The following PIK3CB variants were observed in gnomAD, a reference collection of about 807,000 sequenced individuals.
PIK3CB encodes the protein phosphatidylinositol-4,5-bisphosphate 3-kinase catalytic subunit beta, also known as phosphatidylinositol 4,5-bisphosphate 3-kinase catalytic subunit beta isoform.
In PIK3CB, 39 loss-of-function variants were observed where a neutral mutation model predicts 136.8. That is an observed-to-expected ratio of 0.29 (90% CI 0.22 to 0.37). The LOEUF (loss-of-function observed/expected upper bound fraction) is 0.37. Ranked by LOEUF, PIK3CB falls within the 10% of genes least tolerant of loss-of-function variation. The pLI is 1.00. For synonymous variants in PIK3CB, 428 were observed against 436.6 expected, an observed-to-expected ratio of 0.98 and a Z score of 0.25; for missense variants, 868 against 1,275.4, an observed-to-expected ratio of 0.68 and a Z score of 4.87.
intron 8 of PIK3CB, among the ~76,000 whole-genome samples, chr3:138,731,715 T>G (rs1330324831): frequency 1.3e-5 from 2 of 151,936 alleles, no homozygotes; most frequent in African/African-American, 4.8e-5. Context: ...CTGGGCGCAG[T>G]GGCTCACACT....
rs1159709362 is a variant in PIK3CB at position 138,704,448 on chromosome 3, C to A, written c.1576G>T (p.Val526Leu). The change falls in exon 12 of 24, where the codon GTG becomes TTG. Residue 526 changes from valine to leucine, a missense_variant. This residue lies in a region of PIK3CB where 612 missense variants were observed against 801.1 expected (regional missense o/e 0.76). Coordinates refer to ENST00000674063, the MANE Select transcript of PIK3CB (RefSeq NM_006219.3). ...AEIASSDSAN[V>L]SSRGGKKFLP... The stretch of plus-strand genomic sequence containing the variant: ...TTAAAACTCTTGATACTTACTGACA[C>A]ATTAGCACTATCACTGCTTGCAATC... The A allele has an allele frequency of 1.3e-6, 2 of 1,599,324 alleles. No individual in the cohort carries two copies. Among genetic ancestry groups the A allele is most frequent in the Non-Finnish European group, 1.7e-6 (2 of 1,166,652 alleles).
chr3:138,737,418 A>AC (rs1357556210), intron 6 of PIK3CB, among the ~76,000 whole-genome samples: 11 of 149,252 alleles, frequency 7.4e-5, no homozygotes, highest in African/African-American at 2.7e-4. Flanking sequence ...AAAAAAAAAA[A>AC]AAAAGCAAAG....
chr3:138,767,982 C>T (rs769709291), intron 2 of PIK3CB, among the ~76,000 whole-genome samples: 2 of 152,238 alleles, frequency 1.3e-5, no homozygotes, highest in Non-Finnish European at 2.9e-5. Context: ...TTCTTTTAGC[C>T]TCAATTGGCA....
intron 2 of PIK3CB, among the ~76,000 whole-genome samples, chr3:138,783,445 T>C (rs2045942553): frequency 6.6e-6 from 1 of 152,090 alleles, no homozygotes; most frequent in South Asian, 2.1e-4. Context: ...CCCAGCTAAT[T>C]TTTTCATTTT....
chr3:138,754,567 T>A (rs1265500917), intron 4 of PIK3CB, among the ~76,000 whole-genome samples: 1 of 152,084 alleles, frequency 6.6e-6, no homozygotes, highest in African/African-American at 2.4e-5. Flanking sequence ...TAAGAAAAAA[T>A]TTTGTATGAT....
chr3:138,816,465 G>A (rs915149372), intron 1 of PIK3CB, among the ~76,000 whole-genome samples: 40 of 151,962 alleles, frequency 2.6e-4, no homozygotes, highest in African/African-American at 9.4e-4. Context: ...ATGGTGGCAA[G>A]CACCTGTAAT....
At chr3:138,678,815 C>CATA (rs2043702240) in intron 19 of PIK3CB, among the ~76,000 whole-genome samples, 1 of 152,128 alleles carries the variant, frequency 6.6e-6, no homozygotes, top group African/African-American at 2.4e-5. Context: ...AGAAATCAAA[C>CATA]CTTGTATAGA....
chr3:138,675,901 T>C (rs1003568432), intron 19 of PIK3CB, among the ~76,000 whole-genome samples: 1 of 152,182 alleles, frequency 6.6e-6, no homozygotes, highest in Non-Finnish European at 1.5e-5. Context: ...ATTTTTGACA[T>C]AGATGCCAAG....
chr3:138,800,252 TACTC>T (rs1401141526), intron 1 of PIK3CB, among the ~76,000 whole-genome samples: 3 of 152,230 alleles, frequency 2.0e-5, no homozygotes, highest in Non-Finnish European at 2.9e-5. Flanking sequence ...CATTTATTAA[TACTC>T]ACAATTCTCA....
Position 138,716,563 on chromosome 3 carries a change from C to T in PIK3CB, c.1051-1844G>A, listed in dbSNP as rs568256673. Among the ~76,000 whole-genome samples, 21 of 152,120 alleles carry T rather than the reference C, an allele frequency of 1.4e-4. No homozygotes were observed. The East Asian group carries it at 3.1e-3, about 22-fold the overall frequency. On this transcript the variant is annotated intron_variant, in intron 8 of 23. Coordinates refer to ENST00000674063, the MANE Select transcript of PIK3CB (RefSeq NM_006219.3). ...TAACCTTAAATGAAAAACAGTATAA[C>T]GCAACATACCATCAAAATACTATAC...
intron 1 of PIK3CB, among the ~76,000 whole-genome samples, chr3:138,816,701 CAAT>C (rs1403366714): frequency 6.6e-6 from 1 of 152,116 alleles, no homozygotes; most frequent in African/African-American, 2.4e-5. Context: ...TTGCTAGTAA[CAAT>C]GAGCCTACCC....
intron 2 of PIK3CB, among the ~76,000 whole-genome samples, chr3:138,786,122 T>G (rs554752052): frequency 2.3e-4 from 35 of 152,126 alleles, no homozygotes; most frequent in Non-Finnish European, 5.0e-4. Context: ...TAAAATAAAA[T>G]CAGGCTGGAG....
chr3:138,673,936 T>A (rs2043592648), intron 19 of PIK3CB, among the ~76,000 whole-genome samples: 1 of 152,156 alleles, frequency 6.6e-6, no homozygotes, highest in Non-Finnish European at 1.5e-5. Context: ...AAGATCCCAC[T>A]TACAATACTA....
At chr3:138,828,095 G>A (rs1161597018) in intron 1 of PIK3CB, among the ~76,000 whole-genome samples, 2 of 151,468 alleles carry the variant, frequency 1.3e-5, no homozygotes, top group Non-Finnish European at 2.9e-5. Flanking sequence ...AGGGGGAAGT[G>A]TGTTCAGGAT....
At chr3:138,707,492 A>G in intron 10 of PIK3CB, 1 of 1,329,970 alleles carries the variant, frequency 7.5e-7, no homozygotes. Flanking sequence ...ACATGTTTTA[A>G]AAATGAGAAA....
At chr3:138,808,265 T>A (rs1358011614) in intron 1 of PIK3CB, among the ~76,000 whole-genome samples, 2 of 152,126 alleles carry the variant, frequency 1.3e-5, no homozygotes, top group African/African-American at 2.4e-5. Flanking sequence ...ATATATTACT[T>A]ATTGACAACA....
chr3:138,700,730 GATA>G (rs763303529), intron 12 of PIK3CB, among the ~76,000 whole-genome samples: 1 of 151,604 alleles, frequency 6.6e-6, no homozygotes, highest in Non-Finnish European at 1.5e-5. Context: ...TAGATAGATA[GATA>G]GATAGATAGA....
At chr3:138,827,405 A>G (rs1933829046) in intron 1 of PIK3CB, among the ~76,000 whole-genome samples, 1 of 152,018 alleles carries the variant, frequency 6.6e-6, no homozygotes, top group Admixed American at 6.6e-5. Flanking sequence ...CTGTAATCAG[A>G]GCACTTTGGG....
chr3:138,721,567 C>T (rs766306272), intron 8 of PIK3CB, among the ~76,000 whole-genome samples: 4 of 152,186 alleles, frequency 2.6e-5, no homozygotes, highest in Non-Finnish European at 4.4e-5. Context: ...ACAACAAAGT[C>T]TCCACTGCCT....
Sources: allele counts gnomAD v4.1 joint callset (sites outside exome capture counted in the v4.1 genomes callset), GRCh38; gene constraint gnomAD v4.1.1; regional missense constraint gnomAD v4.1.1; transcripts MANE v1.5; gene names NCBI Gene and HGNC (gene_info 2026-07-23, HGNC 2026-07-21).